Variants in CAPN10 observed in about 807,000 individuals in gnomAD.
The protein encoded by CAPN10 is calpain 10, also known as calpain-10.
CAPN10 carries 71 observed loss-of-function variants against 78.4 expected under a neutral mutation model. The observed-to-expected ratio is 0.91, with a 90% CI of 0.75 to 1.10. The LOEUF is 1.10. Ranked by LOEUF, CAPN10 falls within the 50% of genes least tolerant of loss-of-function variation. The pLI, the probability that CAPN10 is intolerant of heterozygous loss-of-function variation, is 0.00. For synonymous variants in CAPN10, 437 were observed against 407.2 expected, an observed-to-expected ratio of 1.07 and a Z score of -0.88; for missense variants, 849 against 924.6, an observed-to-expected ratio of 0.92 and a Z score of 1.06.
In CAPN10 at chr2:240,599,050, C is replaced by T. The variant is rs1320755682; in HGVS notation, c.*370C>T. 2.1e-5 allele frequency: 7 copies of T among 325,966 alleles called. No individual in the cohort carries two copies. The highest frequency in any genetic ancestry group is 2.8e-5 in the Non-Finnish European group (5 of 175,844). 20.2% of individuals were successfully genotyped at this position (325,966 alleles called of 1,614,324 possible). A position where few individuals can be genotyped will look rare whatever the true frequency, so the allele number is the denominator to read the frequency against. On this transcript the variant is annotated 3_prime_UTR_variant, in exon 12 of 12. Transcript: ENST00000391984. ...ATCTTCTTTATAACTATTTATTGTT[C>T]GAATCACTTTTAGGATGTAACTTTA...
At chr2:240,598,268 G>A in intron 10 of CAPN10, 84 bp from the exon 11 acceptor site, 1 of 1,521,472 alleles carries the variant, frequency 6.6e-7, no homozygotes, top group Non-Finnish European at 9.1e-7. Flanking sequence ...TGGAAGGAGA[G>A]TCTAGTGGGA....
intron 2 of CAPN10, 188 bp from the exon 3 acceptor site, chr2:240,590,627 T>A (rs1231406097): frequency 5.2e-6 from 3 of 581,600 alleles, no homozygotes; most frequent in Non-Finnish European, 9.2e-6. Context: ...AGGTGTGCCG[T>A]AGAGTTCTCT....
intron 2 of CAPN10, 144 bp downstream of exon 2, chr2:240,589,618 C>T: frequency 9.3e-7 from 1 of 1,075,468 alleles, no homozygotes; most frequent in Non-Finnish European, 1.3e-6. Context: ...AGGAGAGTTC[C>T]AAGGCAGAGG....
In CAPN10 at chr2:240,592,042, G is replaced by A. The variant is rs374908348; in HGVS notation, c.580G>A (p.Gly194Arg). 33 of 1,612,476 alleles carry A rather than the reference G, an allele frequency of 2.0e-5. No homozygotes were observed. The East Asian group carries it at 3.3e-4, about 16-fold the overall frequency. The change falls in exon 4 of 12, where the codon GGA (glycine) becomes AGA (arginine). Residue 194 changes from glycine to arginine, a missense_variant. Transcript: ENST00000391984. ...GAACCTGAAGGGCGTAGCAGGAAGC[G>A]GAGGCCAGCAGGACAGGCCAGGCCG... ...RWNLKGVAGSGGQQDRPGRWE... is the reference protein window; with the variant it reads ...RWNLKGVAGSRGQQDRPGRWE...
chr2:240,594,307 A>G, intron 5 of CAPN10: 1 of 610,370 alleles, frequency 1.6e-6, no homozygotes, highest in South Asian at 2.1e-5. Flanking sequence ...GGGAAGACGC[A>G]TCCAGAGGCG....
At chr2:240,594,308 T>A in intron 5 of CAPN10, 1 of 606,934 alleles carries the variant, frequency 1.6e-6, no homozygotes, top group Admixed American at 2.9e-5. Context: ...GGAAGACGCA[T>A]CCAGAGGCGT....
chr2:240,594,444 G>T, intron 5 of CAPN10, 99 bp from the exon 6 acceptor site: 6 of 1,274,532 alleles, frequency 4.7e-6, no homozygotes, highest in Non-Finnish European at 6.6e-6. Context: ...CAGGAACTCA[G>T]GGCTCTCTGG....
Position 240,596,342 on chromosome 2 carries a change from G to C in CAPN10, c.1302G>C (p.Leu434=). 6.2e-7 allele frequency: 1 copy of C among 1,609,586 alleles called. No individual in the cohort carries two copies. The highest frequency in any genetic ancestry group is 1.1e-5 in the South Asian group (1 of 90,958). The stretch of plus-strand genomic sequence containing the variant: ...AGGTAGAGAAGCGGCGGGTCAATCT[G>C]CCTAGGGTCCTGTCCATGCCCCCCG... The part of the protein sequence containing the change: ...LWKVEKRRVN[L]PRVLSMPPVA... Residue 434 remains leucine, a synonymous_variant, in exon 8 of 12, where the codon CTG becomes CTC. Transcript: ENST00000391984.
At chr2:240,589,295 G>A (rs780534696) in intron 1 of CAPN10, 48 bp from the exon 2 acceptor site, 9 of 1,613,370 alleles carry the variant, frequency 5.6e-6, no homozygotes, top group South Asian at 1.1e-5. Context: ...AGTTTGAAGG[G>A]TTCCACAGCA....
intron 1 of CAPN10, among the ~76,000 whole-genome samples, chr2:240,587,865 G>A (rs67940783): frequency 0.13 from 19,106 of 152,244 alleles, 1,435 homozygotes; most frequent in South Asian, 0.19. Flanking sequence ...TAGAGGAGTG[G>A]TTCTCTTGGA....
rs375179542 is a variant in CAPN10, at chr2:240,596,310, T to C, written c.1279-9T>C. 6.3e-7 allele frequency: 1 copy of C among 1,596,044 alleles called. No homozygotes were observed. The highest frequency in any genetic ancestry group is 8.6e-7 in the Non-Finnish European group (1 of 1,166,766). ...TCCTCCACACTGAGCCTCCTGCACG[T>C]GCTCACAGGTAGAGAAGCGGCGGGT... On this transcript the variant is annotated splice_polypyrimidine_tract_variant and intron_variant, in intron 7 of 11. Coordinates refer to ENST00000391984, the MANE Select transcript of CAPN10 (RefSeq NM_023083.4).
At position 240,598,697 on chromosome 2, in the gene CAPN10, G is replaced by C; in HGVS notation, c.*17G>C. ...AAAACCTAACAGGGTGGCCCCCTGTGCCAGCTCAGGTGACTGGAGCCCGAG... is the reference window on the plus strand; with the variant it reads ...AAAACCTAACAGGGTGGCCCCCTGTCCCAGCTCAGGTGACTGGAGCCCGAG... On this transcript the variant is annotated 3_prime_UTR_variant, in exon 12 of 12. Transcript: ENST00000391984. The C allele has an allele frequency of 6.4e-7, 1 of 1,567,618 alleles. No homozygotes were observed. Among genetic ancestry groups the C allele is most frequent in the Non-Finnish European group, 8.7e-7 (1 of 1,155,600 alleles).
chr2:240,598,811 G>C lies in CAPN10; in HGVS notation c.*131G>C. 1.1e-6 allele frequency: 1 copy of C among 908,166 alleles called. No homozygotes were observed. Among genetic ancestry groups the C allele is most frequent in the Admixed American group, 2.1e-5 (1 of 47,338 alleles). 56.3% of individuals were successfully genotyped at this position (908,166 alleles called of 1,614,324 possible). A position where few individuals can be genotyped will look rare whatever the true frequency, so the allele number is the denominator to read the frequency against. On this transcript the variant is annotated 3_prime_UTR_variant, in exon 12 of 12. Transcript: ENST00000391984. ...TTGGCCTGCCTCCCAGCCCTGCCAG[G>C]AGGCTGCGGCCTAGGGGTCCACGGG...
chr2:240,598,135 G>A (rs766072283), intron 10 of CAPN10, 48 bp downstream of exon 10: 2 of 1,542,306 alleles, frequency 1.3e-6, no homozygotes. Context: ...TGGGGTGCTG[G>A]AGTCTTAGTG....
rs181082287 is a variant in CAPN10, at chr2:240,592,727, C to T, written c.688+577C>T. The T allele has an allele frequency of 5.6e-5, 19 of 339,660 alleles. No homozygotes were observed. In the Admixed American group the frequency reaches 6.3e-4, roughly 11 times the overall value. The allele number at this position is 339,660 out of a possible 1,614,324, so 21.0% of individuals were successfully genotyped here. Reference sequence around the variant, plus strand: ...GCTCTCAGTTTTCCATGAGCACGCACGGTTTACGTGTTCCCTTCCGCACCG... The same window carrying T: ...GCTCTCAGTTTTCCATGAGCACGCATGGTTTACGTGTTCCCTTCCGCACCG... On this transcript the variant is annotated intron_variant, in intron 4 of 11. Coordinates refer to ENST00000391984, the MANE Select transcript of CAPN10 (RefSeq NM_023083.4).
In CAPN10 at chr2:240,593,913, G is replaced by C; in HGVS notation, c.696G>C (p.Arg232=). The change falls in exon 5 of 12, where the codon CGG becomes CGC. Residue 232 remains arginine (R), a synonymous_variant. Coordinates refer to ENST00000391984, the MANE Select transcript of CAPN10 (RefSeq NM_023083.4). ...GCGCCATTCCTCATGCAGGTGCCCG[G>C]GAGCTGGGGGAGTTCCATGCCTTCA... ...CCVLSPRAGA[R]ELGEFHAFIV... is the part of the protein sequence containing the mutation. The C allele has an allele frequency of 6.3e-7, 1 of 1,596,496 alleles. No individual in the cohort carries two copies. The highest frequency in any genetic ancestry group is 2.3e-5 in the East Asian group (1 of 44,318).
rs747905126 is a variant in CAPN10, at chr2:240,593,955, G to A, written c.738G>A (p.Arg246=). ...EFHAFIVSDL[R]ELQGQAGQCI... is the part of the protein sequence containing the mutation. ...ATGCCTTCATTGTCTCGGACCTGCG[G>A]GAGCTCCAGGGTCAGGCGGGCCAGT... Residue 246 remains arginine, a synonymous_variant, in exon 5 of 12, where the codon CGG becomes CGA. Transcript: ENST00000391984. The A allele has an allele frequency of 8.7e-6, 14 of 1,610,316 alleles. No individual in the cohort carries two copies. The East Asian group carries it at 1.3e-4, about 15-fold the overall frequency.
intron 5 of CAPN10, 62 bp from the exon 6 acceptor site, chr2:240,594,481 G>A (rs2093123134): frequency 6.5e-7 from 1 of 1,540,062 alleles, no homozygotes; most frequent in Non-Finnish European, 8.8e-7. Context: ...CCCCCAGCCT[G>A]CCGGCAAGTT....
chr2:240,595,008 G>A lies in CAPN10; in HGVS notation c.998-16G>A, dbSNP rs2093127519. On this transcript the variant is annotated splice_polypyrimidine_tract_variant and intron_variant, in intron 6 of 11. Coordinates refer to ENST00000391984, the MANE Select transcript of CAPN10 (RefSeq NM_023083.4). ...GAGCCGTGTCCCACAGCTGATGCCT[G>A]GTGTTTTCTCACTAGAGAGGCTGCT... 1 of 1,612,036 alleles carries A rather than the reference G, an allele frequency of 6.2e-7. No individual in the cohort carries two copies. The highest frequency in any genetic ancestry group is 1.3e-5 in the African/African-American group (1 of 75,028).
Sources: allele counts gnomAD v4.1 joint callset (sites outside exome capture counted in the v4.1 genomes callset), GRCh38; gene constraint gnomAD v4.1.1; transcripts MANE v1.5; gene names NCBI Gene and HGNC (gene_info 2026-07-23, HGNC 2026-07-21).